Variants in CLSTN2 observed in about 807,000 individuals in gnomAD.
CLSTN2 encodes calsyntenin 2, also known as calsyntenin-2.
A neutral mutation model predicts 101.2 loss-of-function variants in CLSTN2; 48 were observed. The observed-to-expected ratio is 0.47, with a 90% CI of 0.38 to 0.60. CLSTN2 has a LOEUF of 0.60. CLSTN2 is among the 20% of genes least tolerant of loss of function. The pLI is 0.00. For missense variants in CLSTN2, 1,160 were observed against 1,238.2 expected (o/e 0.94, Z 0.95); for synonymous variants, 481 against 463.6 (o/e 1.04, Z -0.48).
At chr3:140,518,728 G>A (rs990906767) in intron 8 of CLSTN2, among the ~76,000 whole-genome samples, 2 of 152,152 alleles carry the variant, frequency 1.3e-5, no homozygotes, top group Non-Finnish European at 2.9e-5. Flanking sequence ...GGCTTTCCTG[G>A]TATGTTCCTG....
intron 2 of CLSTN2, among the ~76,000 whole-genome samples, chr3:140,194,846 G>A (rs1426738809): frequency 6.6e-6 from 1 of 152,176 alleles, no homozygotes; most frequent in Non-Finnish European, 1.5e-5. Context: ...TTAAAAATGA[G>A]CAATGGTGAA....
rs1224345368 is a variant in CLSTN2 at position 140,459,773 on chromosome 3, A to G, written c.1222+4A>G. ...CTCTGCAACTCAGACAAAACCGGTG[A>G]GTCTCTAGCCCAGCCCTTCCACCCC... On this transcript the variant is annotated splice_donor_region_variant and intron_variant, in intron 7 of 16. Transcript: ENST00000458420. 2 of 1,607,362 alleles carry G rather than the reference A, an allele frequency of 1.2e-6. No homozygotes were observed. The highest frequency in any genetic ancestry group is 1.7e-5 in the Admixed American group (1 of 59,278).
chr3:140,083,836 A>C (rs2107782393), intron 1 of CLSTN2, among the ~76,000 whole-genome samples: 1 of 152,326 alleles, frequency 6.6e-6, no homozygotes, highest in South Asian at 2.1e-4. Flanking sequence ...AAAGGAGTGA[A>C]GATATTAGCA....
At chr3:140,313,977 G>A (rs1020680226) in intron 2 of CLSTN2, among the ~76,000 whole-genome samples, 1 of 152,188 alleles carries the variant, frequency 6.6e-6, no homozygotes, top group African/African-American at 2.4e-5. Context: ...AAGGCCAAAG[G>A]ACTAGAGTGG....
chr3:140,278,363 C>T (rs575407498), intron 2 of CLSTN2, among the ~76,000 whole-genome samples: 8 of 151,974 alleles, frequency 5.3e-5, no homozygotes, highest in East Asian at 1.9e-4. Flanking sequence ...AACACTTGAG[C>T]GAGCGGGTCC....
intron 8 of CLSTN2, chr3:140,508,101 C>T (rs1382258601): frequency 3.3e-5 from 5 of 152,206 alleles, no homozygotes; most frequent in Non-Finnish European, 2.9e-5. Context: ...GCATTGGCCC[C>T]TCCCTAGCTA....
intron 11 of CLSTN2, among the ~76,000 whole-genome samples, chr3:140,557,783 C>G (rs1000872834): frequency 6.6e-6 from 1 of 152,146 alleles, no homozygotes; most frequent in Non-Finnish European, 1.5e-5. Context: ...GCTCTGGGGT[C>G]CCCCGTTGTA....
intron 1 of CLSTN2, among the ~76,000 whole-genome samples, chr3:139,977,196 C>G (rs1336990716): frequency 6.6e-6 from 1 of 152,282 alleles, no homozygotes; most frequent in South Asian, 2.1e-4. Flanking sequence ...TCATCCCCAC[C>G]ACATCTCTTC....
intron 8 of CLSTN2, among the ~76,000 whole-genome samples, chr3:140,475,987 G>T (rs1933974387): frequency 6.6e-6 from 1 of 152,194 alleles, no homozygotes; most frequent in African/African-American, 2.4e-5. Context: ...AGATACTCAA[G>T]CCATGGAGTA....
intron 1 of CLSTN2, among the ~76,000 whole-genome samples, chr3:140,031,649 C>T (rs1467334757): frequency 6.6e-6 from 1 of 152,106 alleles, no homozygotes; most frequent in Non-Finnish European, 1.5e-5. Context: ...TTTGTAGTTT[C>T]CTGATTCCAG....
At chr3:140,088,954 T>C (rs1033786193) in intron 1 of CLSTN2, among the ~76,000 whole-genome samples, 7 of 152,234 alleles carry the variant, frequency 4.6e-5, no homozygotes, top group African/African-American at 1.7e-4. Context: ...TATACTTTGT[T>C]CCAAGTTTTT....
chr3:140,547,484 GGAAGAA>G (rs906830156), intron 10 of CLSTN2, among the ~76,000 whole-genome samples: 10 of 151,490 alleles, frequency 6.6e-5, no homozygotes, highest in South Asian at 2.1e-4. Flanking sequence ...AAAAAAAAGA[GGAAGAA>G]GAAGAAGAAG....
rs529745256 is a variant in CLSTN2 at position 140,363,024 on chromosome 3, G to A, written c.233-40605G>A. On this transcript the variant is annotated intron_variant, in intron 2 of 16. Coordinates refer to ENST00000458420, the MANE Select transcript of CLSTN2 (RefSeq NM_022131.3). ...AAAATACATGTCTACATACAGACTT[G>A]TACATGAATATTAATGGAAGTATTA... Among the ~76,000 whole-genome samples the A allele has an allele frequency of 4.6e-5, 7 of 152,008 alleles. No homozygotes were observed. In the South Asian group the frequency reaches 1.5e-3, roughly 32 times the overall value.
chr3:140,015,058 T>C (rs2007173252), intron 1 of CLSTN2, among the ~76,000 whole-genome samples: 1 of 152,192 alleles, frequency 6.6e-6, no homozygotes, highest in African/African-American at 2.4e-5. Context: ...GAGCCTCTTA[T>C]TCACATCCAT....
chr3:140,133,330 G>GA (rs541030285), intron 1 of CLSTN2, among the ~76,000 whole-genome samples: 50 of 152,126 alleles, frequency 3.3e-4, no homozygotes, highest in Non-Finnish European at 3.2e-4. Flanking sequence ...CAACATTGGG[G>GA]ATCACATTTC....
intron 1 of CLSTN2, among the ~76,000 whole-genome samples, chr3:140,076,635 T>TG (rs2008496927): frequency 7.1e-6 from 1 of 140,554 alleles, no homozygotes; most frequent in African/African-American, 2.8e-5. Context: ...GTTTTTTTTT[T>TG]TTTTTTTTTT....
intron 1 of CLSTN2, among the ~76,000 whole-genome samples, chr3:139,937,168 G>T (rs533368081): frequency 6.6e-6 from 1 of 152,272 alleles, no homozygotes; most frequent in South Asian, 2.1e-4. Context: ...GCAGATGTCT[G>T]CAAACGGGAG....
rs750995886 is a variant in CLSTN2, at chr3:140,448,604, C to T, written c.873C>T (p.Ala291=). ...PSIHLETCDG[A]VSSLQIVTEL... ...TCCACCTGGAGACGTGCGATGGAGCCGTGTCTTCCCTCCAGATCGTCACAG... is the reference window on the plus strand; with the variant it reads ...TCCACCTGGAGACGTGCGATGGAGCTGTGTCTTCCCTCCAGATCGTCACAG... Residue 291 remains alanine, a synonymous_variant, in exon 6 of 17, where the codon GCC becomes GCT. Transcript: ENST00000458420. 7 of 1,613,952 alleles carry T rather than the reference C, an allele frequency of 4.3e-6. No individual in the cohort carries two copies. The highest frequency in any genetic ancestry group is 4.0e-5 in the African/African-American group (3 of 74,894).
At chr3:140,172,515 C>T (rs2010255595) in intron 1 of CLSTN2, among the ~76,000 whole-genome samples, 1 of 152,180 alleles carries the variant, frequency 6.6e-6, no homozygotes, top group African/African-American at 2.4e-5. Flanking sequence ...CTCTACTCTT[C>T]ATTAGTACCT....
Sources: gnomAD v4.1 joint callset for allele counts (sites outside exome capture counted in the v4.1 genomes callset) on GRCh38, gnomAD v4.1.1 for gene constraint, MANE v1.5 for transcripts, NCBI Gene and HGNC (gene_info 2026-07-23, HGNC 2026-07-21) for gene names.